The following PRH1 variants were observed in gnomAD, a reference collection of about 807,000 sequenced individuals.
PRH1 encodes proline rich protein HaeIII subfamily 1.
Under a neutral mutation model 7.9 loss-of-function variants are expected in PRH1, and 7 were observed. That is an observed-to-expected ratio of 0.89 (90% CI 0.50 to 1.67). The LOEUF (loss-of-function observed/expected upper bound fraction) is 1.67, where lower values mean the gene tolerates loss of function less well. PRH1 is among the 40% of genes most tolerant of loss of function. PRH1 has a pLI of 0.00. For missense variants in PRH1, 109 were observed against 223.6 expected, an observed-to-expected ratio of 0.49 and a Z score of 3.27; for synonymous variants, 45 against 80.8, an observed-to-expected ratio of 0.56 and a Z score of 2.38.
At chr12:11,067,657 T>C (rs1943884383) in intron 1 of PRH1, among the ~76,000 whole-genome samples, 1 of 151,886 alleles carries the variant, frequency 6.6e-6, no homozygotes, top group Non-Finnish European at 1.5e-5. Context: ...AGCACAGGAG[T>C]TCAAGTCCAG....
intron 2 of PRH1, among the ~76,000 whole-genome samples, chr12:10,898,364 T>A (rs1187852532): frequency 1.3e-5 from 2 of 151,910 alleles, no homozygotes; most frequent in African/African-American, 4.8e-5. Flanking sequence ...CAAAGAAAAC[T>A]CCATGACTAA....
chr12:11,137,837 GA>G (rs1162593518), intron 1 of PRH1, among the ~76,000 whole-genome samples: 2 of 152,056 alleles, frequency 1.3e-5, no homozygotes, highest in Non-Finnish European at 2.9e-5. Flanking sequence ...GATAGATGTG[GA>G]TATAGATAAT....
chr12:11,036,603 A>G (rs535350420), intron 1 of PRH1, among the ~76,000 whole-genome samples: 3 of 152,360 alleles, frequency 2.0e-5, no homozygotes, highest in African/African-American at 7.2e-5. Context: ...GATCATAGTG[A>G]AAGGAGGATT....
Position 11,133,643 on chromosome 12 carries a change from G to A in PRH1, n.40-12463C>T. The A allele has an allele frequency of 1.9e-6, 3 of 1,614,286 alleles. 1 individual carries two copies. The South Asian group carries it at 3.3e-5, about 18-fold the overall frequency. On this transcript the variant is annotated intron_variant and non_coding_transcript_variant, in intron 1 of 1. Transcript: ENST00000541175. ...CATCTTCTTGAGATGTTTACACAGA[G>A]AACAGATTAACAGCAGAAAAGATAT...
At chr12:11,026,952 C>G (rs1237756447) in intron 1 of PRH1, among the ~76,000 whole-genome samples, 1 of 152,150 alleles carries the variant, frequency 6.6e-6, no homozygotes, top group African/African-American at 2.4e-5. Flanking sequence ...TTTAAAACAT[C>G]GTGATTATTT....
chr12:10,884,989 C>G (rs1289751795), upstream of PRH1, among the ~76,000 whole-genome samples: 1 of 152,162 alleles, frequency 6.6e-6, no homozygotes, highest in African/African-American at 2.4e-5. Flanking sequence ...CAGAAACCAC[C>G]AAGGAATTTC....
At chr12:11,017,799 T>C (rs991808031) in intron 1 of PRH1, among the ~76,000 whole-genome samples, 74 of 152,042 alleles carry the variant, frequency 4.9e-4, no homozygotes, top group African/African-American at 1.7e-3. Context: ...AGCAGAAACA[T>C]CCTGTTTAAG....
intron 1 of PRH1, among the ~76,000 whole-genome samples, chr12:11,102,953 G>A (rs1193917869): frequency 2.0e-5 from 3 of 152,078 alleles, no homozygotes; most frequent in Non-Finnish European, 2.9e-5. Flanking sequence ...GCTCATCATC[G>A]CTGGCCATCA....
intron 1 of PRH1, among the ~76,000 whole-genome samples, chr12:11,147,088 A>G (rs34843817): frequency 0.45 from 68,958 of 151,828 alleles, 16,430 homozygotes; most frequent in Non-Finnish European, 0.52. Context: ...CACAATTTTC[A>G]CAAAACTTTA....
At chr12:11,149,636 A>G (rs1946996622) in intron 1 of PRH1, among the ~76,000 whole-genome samples, 1 of 144,590 alleles carries the variant, frequency 6.9e-6, no homozygotes, top group Admixed American at 7.0e-5. Context: ...CTGAAACTGG[A>G]TCCCTTCCTT....
At chr12:10,981,202 T>G (rs1939333183) in intron 1 of PRH1, among the ~76,000 whole-genome samples, 1 of 152,058 alleles carries the variant, frequency 6.6e-6, no homozygotes, top group Admixed American at 6.6e-5. Flanking sequence ...TGTTGCTTTC[T>G]CAAAGACCTG....
At chr12:10,905,687 A>T (rs956801406) in intron 2 of PRH1, among the ~76,000 whole-genome samples, 2 of 151,828 alleles carry the variant, frequency 1.3e-5, no homozygotes, top group Admixed American at 6.6e-5. Context: ...AATGGATTAG[A>T]CCAAAAAAGT....
intron 1 of PRH1, among the ~76,000 whole-genome samples, chr12:11,064,964 G>T (rs906715427): frequency 6.6e-6 from 1 of 151,892 alleles, no homozygotes; most frequent in African/African-American, 2.4e-5. Context: ...TTGATCCCGG[G>T]AGTTCCAGAC....
At chr12:10,911,029 T>C (rs78188850) in intron 2 of PRH1, among the ~76,000 whole-genome samples, 8,533 of 152,288 alleles carry the variant, frequency 0.056, 348 homozygotes, top group Non-Finnish European at 0.084. Flanking sequence ...AGAAAATGTC[T>C]CCTTTAACAG....
At chr12:11,056,801 G>C (rs1032740331) in intron 1 of PRH1, among the ~76,000 whole-genome samples, 5 of 151,958 alleles carry the variant, frequency 3.3e-5, no homozygotes, top group African/African-American at 7.2e-5. Flanking sequence ...CTGGGAGACA[G>C]AGCTAGACTC....
chr12:10,882,215 A>G lies in PRH1; in HGVS notation c.*18+2T>C. Reference sequence around the variant, plus strand: ...TTGATGGATAATAAACTGGAATCGTACCTGTCATTGAATCCTAGATTACTG... The same window carrying G: ...TTGATGGATAATAAACTGGAATCGTGCCTGTCATTGAATCCTAGATTACTG... On this transcript the variant is annotated splice_donor_variant, in intron 3 of 3. Coordinates refer to ENST00000543626, the MANE Select transcript of PRH1 (RefSeq NM_001393989.1). LOFTEE classifies it low-confidence loss of function (3UTR_SPLICE). 1 of 1,613,610 alleles carries G rather than the reference A, an allele frequency of 6.2e-7. No individual in the cohort carries two copies.
chr12:11,141,791 T>TTGGG (rs1238915996), intron 1 of PRH1, among the ~76,000 whole-genome samples: 2 of 152,130 alleles, frequency 1.3e-5, no homozygotes, highest in African/African-American at 4.8e-5. Flanking sequence ...CTTCCTTGTT[T>TTGGG]TGGGTGGAGG....
chr12:11,168,740 C>A lies in PRH1; in HGVS notation n.39+2682G>T, dbSNP rs376882166. On this transcript the variant is annotated intron_variant and non_coding_transcript_variant, in intron 1 of 1. Transcript: ENST00000541175. ...CAAATCTGCTATAAAAGCTGAAAAA[C>A]AGTACATGATAAAAAGAAAATAAGA... Among the ~76,000 whole-genome samples, 4 of 152,108 alleles carry A rather than the reference C, an allele frequency of 2.6e-5. No individual in the cohort carries two copies. In the East Asian group the frequency reaches 7.7e-4, roughly 29 times the overall value.
At chr12:11,134,761 C>G (rs1398034918) in intron 1 of PRH1, 1 of 153,834 alleles carries the variant, frequency 6.5e-6, no homozygotes. Context: ...TTTTTAAATG[C>G]CAGATTTAAA....
Sources: gnomAD v4.1 joint callset for allele counts (sites outside exome capture counted in the v4.1 genomes callset) on GRCh38, gnomAD v4.1.1 for gene constraint, MANE v1.5 for transcripts, NCBI Gene and HGNC (gene_info 2026-07-23, HGNC 2026-07-21) for gene names.